Variants in KLRD1 observed in about 807,000 individuals in gnomAD.
KLRD1 encodes natural killer cells antigen CD94.
A neutral mutation model predicts 22.6 loss-of-function variants in KLRD1; 21 were observed. The ratio of observed to expected loss-of-function variants is 0.93; its 90% CI spans 0.66 to 1.34. The LOEUF (loss-of-function observed/expected upper bound fraction) is 1.34, where lower values mean the gene tolerates loss of function less well. KLRD1 is among the 40% of genes most tolerant of loss of function. The pLI is 0.00. For synonymous variants in KLRD1, 59 were observed against 71.1 expected (o/e 0.83, Z 0.85); for missense variants, 183 against 208.6 (o/e 0.88, Z 0.76).
In KLRD1 at chr12:10,327,997, C is replaced by G. The variant is rs1950376326; in HGVS notation, c.*13204C>G. 1 of 151,992 alleles carries G rather than the reference C, an allele frequency of 6.6e-6. No individual in the cohort carries two copies. The highest frequency in any genetic ancestry group is 2.4e-5 in the African/African-American group (1 of 41,372). 9.4% of individuals were successfully genotyped at this position (151,992 alleles called of 1,614,324 possible). A position where few individuals can be genotyped will look rare whatever the true frequency, so the allele number is the denominator to read the frequency against. On this transcript the variant is annotated 3_prime_UTR_variant, in exon 6 of 6. Coordinates refer to ENST00000336164, the MANE Select transcript of KLRD1 (RefSeq NM_002262.5). ...TTTGTATGTTAGGCTATCCTTGCAC[C>G]CCAGGGATAAATGCCACTTGCTTAT...
chr12:10,288,455 T>C lies in KLRD1; in HGVS notation c.-100-19523T>C, dbSNP rs116253933. Among the ~76,000 whole-genome samples, 872 of 152,276 alleles carry C rather than the reference T, an allele frequency of 5.7e-3. 10 individuals carry two copies. Among genetic ancestry groups the C allele is most frequent in the African/African-American group, 0.02 (829 of 41,564 alleles). On this transcript the variant is annotated intron_variant, in intron 1 of 5. Transcript: ENST00000544747. ...AAATAAAATATAATTTTCTTACAGTTATGCAAAATGACTCTCTAGATTTTA... is the reference window on the plus strand; with the variant it reads ...AAATAAAATATAATTTTCTTACAGTCATGCAAAATGACTCTCTAGATTTTA...
intron 1 of KLRD1, among the ~76,000 whole-genome samples, chr12:10,247,167 A>AG (rs978090769): frequency 6.6e-5 from 10 of 151,946 alleles, no homozygotes; most frequent in East Asian, 3.9e-4. Context: ...TCCTGACCTC[A>AG]GGGGGGAATT....
chr12:10,245,625 A>G (rs1468081152), intron 1 of KLRD1, among the ~76,000 whole-genome samples: 6 of 152,152 alleles, frequency 3.9e-5, no homozygotes, highest in Admixed American at 2.0e-4. Context: ...ATTTCTGTAC[A>G]TGTACTTGTC....
chr12:10,301,443 A>T (rs1949865792), upstream of KLRD1, among the ~76,000 whole-genome samples: 1 of 152,174 alleles, frequency 6.6e-6, no homozygotes, highest in Admixed American at 6.5e-5. Flanking sequence ...TGATCAGTAG[A>T]TGATCTCAAA....
intron 1 of KLRD1, among the ~76,000 whole-genome samples, chr12:10,291,920 G>T (rs1018018904): frequency 3.3e-5 from 5 of 152,068 alleles, no homozygotes; most frequent in African/African-American, 1.2e-4. Flanking sequence ...GTATTAGTTT[G>T]CTAAGGATGA....
chr12:10,240,180 C>T (rs954034119), intron 1 of KLRD1, among the ~76,000 whole-genome samples: 1 of 152,000 alleles, frequency 6.6e-6, no homozygotes, highest in East Asian at 1.9e-4. Context: ...CTTACCTCAG[C>T]CCCCCAAGTC....
chr12:10,314,943 C>A lies in KLRD1; in HGVS notation c.*150C>A. ...ATATACAATTGTCATGTATGTGAAACAATGTGTTTTAAAATTGATGAAATT... is the reference window on the plus strand; with the variant it reads ...ATATACAATTGTCATGTATGTGAAAAAATGTGTTTTAAAATTGATGAAATT... On this transcript the variant is annotated 3_prime_UTR_variant, in exon 6 of 6. Transcript: ENST00000336164. 1.6e-6 allele frequency: 1 copy of A among 608,920 alleles called. No homozygotes were observed. The highest frequency in any genetic ancestry group is 2.4e-5 in the South Asian group (1 of 40,868). The allele number at this position is 608,920 out of a possible 1,614,324, so 37.7% of individuals were successfully genotyped here.
chr12:10,303,110 T>C (rs1949881216), upstream of KLRD1, among the ~76,000 whole-genome samples: 1 of 152,214 alleles, frequency 6.6e-6, no homozygotes, highest in Non-Finnish European at 1.5e-5. Context: ...AAATCAACTA[T>C]GCCAGATTTC....
intron 1 of KLRD1, among the ~76,000 whole-genome samples, chr12:10,288,084 A>G (rs1949726381): frequency 1.3e-5 from 2 of 149,300 alleles, no homozygotes; most frequent in Non-Finnish European, 3.0e-5. Flanking sequence ...AAAAAAAAAA[A>G]GTACAAAAAT....
chr12:10,247,658 C>T (rs1290487728), intron 1 of KLRD1, among the ~76,000 whole-genome samples: 1 of 152,014 alleles, frequency 6.6e-6, no homozygotes, highest in Non-Finnish European at 1.5e-5. Context: ...TTGAAGTTCC[C>T]CTAATCCCCA....
At chr12:10,298,895 T>G (rs2137674674) in intron 1 of KLRD1, among the ~76,000 whole-genome samples, 1 of 152,352 alleles carries the variant, frequency 6.6e-6, no homozygotes, top group South Asian at 2.1e-4. Context: ...AGACCCCAGA[T>G]TTCCCACTCC....
intron 1 of KLRD1, among the ~76,000 whole-genome samples, chr12:10,263,782 C>T (rs4372546): frequency 0.8 from 121,852 of 151,816 alleles, 53,460 homozygotes; most frequent in Non-Finnish European, 0.98. Flanking sequence ...ATTGCTGAGT[C>T]GTTCCCTCGC....
At chr12:10,313,818 T>TA (rs1180560700) in intron 5 of KLRD1, among the ~76,000 whole-genome samples, 1 of 152,124 alleles carries the variant, frequency 6.6e-6, no homozygotes, top group Non-Finnish European at 1.5e-5. Flanking sequence ...ATTTTTTAAT[T>TA]AAAAATATAT....
chr12:10,255,103 G>A (rs1949383101), intron 1 of KLRD1, among the ~76,000 whole-genome samples: 1 of 152,000 alleles, frequency 6.6e-6, no homozygotes, highest in African/African-American at 2.4e-5. Context: ...ATAGATGCTG[G>A]TGAGGATGCA....
intron 1 of KLRD1, among the ~76,000 whole-genome samples, chr12:10,240,690 C>T (rs1447084192): frequency 6.6e-6 from 1 of 152,090 alleles, no homozygotes; most frequent in Non-Finnish European, 1.5e-5. Context: ...CAACAAGCAT[C>T]GACTCACTCT....
intron 1 of KLRD1, among the ~76,000 whole-genome samples, chr12:10,292,634 TTGC>T (rs1949780436): frequency 6.6e-6 from 1 of 152,186 alleles, no homozygotes; most frequent in South Asian, 2.1e-4. Context: ...CTGGACTTTG[TTGC>T]TCTATATAGA....
At chr12:10,291,615 CT>C (rs60356564) in intron 1 of KLRD1, among the ~76,000 whole-genome samples, 15,806 of 144,858 alleles carry the variant, frequency 0.11, 1,279 homozygotes, top group African/African-American at 0.22. Flanking sequence ...TCAGCCACAT[CT>C]TTTTTTTTTT....
At chr12:10,257,708 G>T (rs1592032400) in intron 1 of KLRD1, among the ~76,000 whole-genome samples, 1 of 151,716 alleles carries the variant, frequency 6.6e-6, no homozygotes, top group African/African-American at 2.4e-5. Flanking sequence ...CTACTGATCT[G>T]ATATTTGTGC....
intron 1 of KLRD1, among the ~76,000 whole-genome samples, chr12:10,255,309 G>T (rs1009251509): frequency 6.6e-6 from 1 of 151,944 alleles, no homozygotes; most frequent in African/African-American, 2.4e-5. Context: ...CCAACTTTTG[G>T]CTTTGTTTAT....
Sources: gnomAD v4.1 joint callset for allele counts (sites outside exome capture counted in the v4.1 genomes callset) on GRCh38, gnomAD v4.1.1 for gene constraint, MANE v1.5 for transcripts, NCBI Gene and HGNC (gene_info 2026-07-23, HGNC 2026-07-21) for gene names.